Variants in MBD5 observed in about 807,000 individuals in gnomAD.
MBD5 encodes methyl-CpG-binding domain protein 5.
In MBD5, 13 loss-of-function variants were observed where a neutral mutation model predicts 117.3. The observed-to-expected ratio is 0.11, with a 90% CI of 0.07 to 0.18. The LOEUF (loss-of-function observed/expected upper bound fraction) is 0.18. Among genes scored for constraint, MBD5 ranks in the 10% least tolerant of loss-of-function variants. The pLI is 1.00. For missense variants in MBD5, 1,879 were observed against 2,093.8 expected, an observed-to-expected ratio of 0.90 and a Z score of 2.00; for synonymous variants, 727 against 766.4, an observed-to-expected ratio of 0.95 and a Z score of 0.85.
intron 3 of MBD5, among the ~76,000 whole-genome samples, chr2:148,303,307 A>G (rs985633280): frequency 1.3e-5 from 2 of 152,216 alleles, no homozygotes; most frequent in East Asian, 3.8e-4. Flanking sequence ...TAAAAAAGCA[A>G]TATTCTAAAC....
intron 1 of MBD5, among the ~76,000 whole-genome samples, chr2:148,068,224 A>G (rs760965805): frequency 2.6e-5 from 4 of 152,146 alleles, no homozygotes; most frequent in Non-Finnish European, 5.9e-5. Context: ...AAGCTCCTAG[A>G]TAGCTATGTG....
At chr2:148,410,009 A>AT (rs1412015831) in intron 4 of MBD5, among the ~76,000 whole-genome samples, 1 of 152,134 alleles carries the variant, frequency 6.6e-6, no homozygotes, top group East Asian at 1.9e-4. Flanking sequence ...CAAGAATATC[A>AT]TTTTATGTAA....
intron 2 of MBD5, among the ~76,000 whole-genome samples, chr2:148,214,873 C>T (rs1457227899): frequency 1.3e-5 from 2 of 152,124 alleles, no homozygotes; most frequent in Non-Finnish European, 2.9e-5. Context: ...TTCTCACCTG[C>T]CCATCCTGAC....
At chr2:148,325,135 A>G (rs917466193) in intron 3 of MBD5, among the ~76,000 whole-genome samples, 3 of 152,118 alleles carry the variant, frequency 2.0e-5, no homozygotes, top group African/African-American at 7.2e-5. Context: ...GCTGGATTAT[A>G]TTTATTGATT....
intron 4 of MBD5, among the ~76,000 whole-genome samples, chr2:148,397,699 C>T (rs920384239): frequency 1.3e-5 from 2 of 151,972 alleles, no homozygotes; most frequent in Non-Finnish European, 1.5e-5. Context: ...ATGTGCACAA[C>T]GTGCAGGTTT....
chr2:148,512,837 G>T (rs368336586), intron 13 of MBD5, 33 bp from the exon 14 acceptor site: 2 of 1,579,348 alleles, frequency 1.3e-6, no homozygotes, highest in African/African-American at 1.3e-5. Context: ...ATCCTCTGTT[G>T]TTGTTGTTTT....
At chr2:148,409,783 G>A (rs1003212855) in intron 4 of MBD5, among the ~76,000 whole-genome samples, 2 of 152,128 alleles carry the variant, frequency 1.3e-5, no homozygotes, top group Admixed American at 6.5e-5. Context: ...CTATATGTGT[G>A]ATATTTAAAT....
chr2:148,322,861 A>G (rs908975492), intron 3 of MBD5, among the ~76,000 whole-genome samples: 1 of 152,038 alleles, frequency 6.6e-6, no homozygotes. Flanking sequence ...TATTATTATT[A>G]TACTTTAAGT....
At chr2:148,239,319 A>G (rs149286707) in intron 3 of MBD5, among the ~76,000 whole-genome samples, 120 of 152,248 alleles carry the variant, frequency 7.9e-4, no homozygotes, top group Non-Finnish European at 1.5e-3. Context: ...ATTTAAAGCA[A>G]TAGCTATCAT....
At position 148,483,160 on chromosome 2, in the gene MBD5, G is replaced by A. The variant is rs769330358; in HGVS notation, c.2569G>A (p.Ala857Thr). 86 of 1,612,658 alleles carry A rather than the reference G, an allele frequency of 5.3e-5. No homozygotes were observed. Among genetic ancestry groups the A allele is most frequent in the Admixed American group, 6.7e-5 (4 of 59,844 alleles). ...AGCCATAGCGGGCACCAACCACCCT[G>A]CCATCACAAAGACAACATCTGTTCT... ...SIAIAGTNHP[A>T]ITKTTSVLQD... The change falls in exon 9 of 14, where the codon GCC becomes ACC. Residue 857 changes from alanine to threonine, a missense_variant. This residue lies in a region of MBD5 where 1,666 missense variants were observed against 1,792.2 expected (regional missense o/e 0.93). Transcript: ENST00000642680.
intron 8 of MBD5, among the ~76,000 whole-genome samples, chr2:148,478,863 C>T (rs935828901): frequency 3.3e-5 from 5 of 152,126 alleles, no homozygotes; most frequent in Non-Finnish European, 7.4e-5. Context: ...CTGGTAAACA[C>T]GTAATGAATA....
chr2:148,212,583 A>G (rs754283350), intron 2 of MBD5, among the ~76,000 whole-genome samples: 45 of 152,172 alleles, frequency 3.0e-4, no homozygotes, highest in Admixed American at 6.5e-4. Flanking sequence ...TTAGACATTA[A>G]AAAGGTGTGT....
intron 4 of MBD5, among the ~76,000 whole-genome samples, chr2:148,452,591 T>G (rs1177555398): frequency 3.2e-5 from 1 of 31,678 alleles, no homozygotes; most frequent in African/African-American, 6.5e-5. Flanking sequence ...TAAAGCAAAA[T>G]GAGAAAAAAA....
At chr2:148,445,226 T>A (rs563383887) in intron 4 of MBD5, among the ~76,000 whole-genome samples, 1 of 151,368 alleles carries the variant, frequency 6.6e-6, no homozygotes, top group South Asian at 2.1e-4. Context: ...CATGTTGGTG[T>A]GCTGCACCCA....
chr2:148,515,942 A>T lies in MBD5; in HGVS notation c.*3001A>T, dbSNP rs1170660286. ...ATTTAAAGGAACATTTTTGGCTTGT[A>T]CTTTTCAGTGCCATTATGAATGAAA... On this transcript the variant is annotated 3_prime_UTR_variant, in exon 14 of 14. Transcript: ENST00000642680. The T allele has an allele frequency of 1.3e-5, 2 of 152,198 alleles. No homozygotes were observed. Among genetic ancestry groups the T allele is most frequent in the Non-Finnish European group, 2.9e-5 (2 of 68,016 alleles). 9.4% of individuals were successfully genotyped at this position (152,198 alleles called of 1,614,324 possible).
At chr2:148,323,950 T>G (rs1702369637) in intron 3 of MBD5, among the ~76,000 whole-genome samples, 1 of 152,190 alleles carries the variant, frequency 6.6e-6, no homozygotes, top group Non-Finnish European at 1.5e-5. Context: ...TGCCTAGGTT[T>G]TCTTTTAGGG....
At chr2:148,424,460 C>A (rs1262679898) in intron 4 of MBD5, among the ~76,000 whole-genome samples, 3 of 151,790 alleles carry the variant, frequency 2.0e-5, no homozygotes, top group African/African-American at 7.3e-5. Flanking sequence ...CCACTGTCAG[C>A]ACTAGACAGA....
intron 1 of MBD5, among the ~76,000 whole-genome samples, chr2:148,023,770 T>G (rs1693829191): frequency 6.6e-6 from 1 of 152,096 alleles, no homozygotes; most frequent in Non-Finnish European, 1.5e-5. Flanking sequence ...TTGTTTCTTT[T>G]TTTTTTTTAA....
chr2:148,484,283 C>A (rs1191520723), intron 9 of MBD5, 148 bp downstream of exon 9: 4 of 656,454 alleles, frequency 6.1e-6, no homozygotes, highest in African/African-American at 3.7e-5. Context: ...TATAACAACA[C>A]CCACACACAA....
Sources: gnomAD v4.1 joint callset for allele counts (sites outside exome capture counted in the v4.1 genomes callset) on GRCh38, gnomAD v4.1.1 for gene constraint, gnomAD v4.1.1 regional missense constraint, MANE v1.5 for transcripts, NCBI Gene and HGNC (gene_info 2026-07-23, HGNC 2026-07-21) for gene names.